The following USP39 variants were observed in gnomAD, a reference collection of about 807,000 sequenced individuals.
USP39 encodes ubiquitin carboxyl-terminal hydrolase 39.
In USP39, 38 loss-of-function variants were observed where a neutral mutation model predicts 66.4. The ratio of observed to expected loss-of-function variants is 0.57; its 90% CI spans 0.44 to 0.75. The LOEUF (loss-of-function observed/expected upper bound fraction) is 0.75, where lower values mean the gene tolerates loss of function less well. Among genes scored for constraint, USP39 ranks in the 30% least tolerant of loss-of-function variants. USP39 has a pLI of 0.00. For synonymous variants in USP39, 303 were observed against 274.6 expected (o/e 1.10, Z -1.02); for missense variants, 608 against 714.4 (o/e 0.85, Z 1.70).
At chr2:85,638,401 A>T (rs1395828860) in intron 8 of USP39, among the ~76,000 whole-genome samples, 1 of 151,512 alleles carries the variant, frequency 6.6e-6, no homozygotes, top group Non-Finnish European at 1.5e-5. Flanking sequence ...TGGCGTGATT[A>T]TGGTTCACTG....
chr2:85,615,819 G>A (rs1297051631), upstream of USP39, among the ~76,000 whole-genome samples: 1 of 152,052 alleles, frequency 6.6e-6, no homozygotes, highest in African/African-American at 2.4e-5. Flanking sequence ...TAGTAGAGAC[G>A]GGGTTTCTCC....
At position 85,627,448 on chromosome 2, in the gene USP39, G is replaced by T. The variant is rs192594795; in HGVS notation, c.723+1757G>T. ...GAAAACAATAATCCTACTTCACCAA[G>T]AAAATGATTAAAAAATCATAAACAC... On this transcript the variant is annotated intron_variant, in intron 5 of 12. Transcript: ENST00000323701. 5.0e-3 allele frequency among the ~76,000 whole-genome samples: 754 copies of T among 151,710 alleles called. 1 individual carries two copies. Among genetic ancestry groups the T allele is most frequent in the Non-Finnish European group, 8.9e-3 (602 of 67,926 alleles).
chr2:85,635,524 C>T (rs1196134058), intron 6 of USP39, among the ~76,000 whole-genome samples: 2 of 152,058 alleles, frequency 1.3e-5, no homozygotes, highest in African/African-American at 4.8e-5. Flanking sequence ...CATGCCACTG[C>T]ACTCCAGCCT....
At chr2:85,634,993 T>C (rs1257054387) in intron 6 of USP39, among the ~76,000 whole-genome samples, 1 of 152,218 alleles carries the variant, frequency 6.6e-6, no homozygotes, top group African/African-American at 2.4e-5. Context: ...AGGATAGTTA[T>C]GATGTCACAT....
chr2:85,611,876 A>C, upstream of USP39: 1 of 1,597,844 alleles, frequency 6.3e-7, no homozygotes, highest in Non-Finnish European at 8.5e-7. Flanking sequence ...GCGGGGCGGT[A>C]CCGAGCGATC....
chr2:85,621,515 G>C lies in USP39; in HGVS notation c.369G>C (p.Leu123=). The change falls in exon 3 of 13, where the codon CTG becomes CTC. Residue 123 remains leucine (L), a synonymous_variant. Coordinates refer to ENST00000323701, the MANE Select transcript of USP39 (RefSeq NM_006590.4). ...TGCTGGACTTTGACTTTGAGAAACT[G>C]TGTTCTATCTCCCTCTCACACATCA... The part of the protein sequence containing the change: ...RSVLDFDFEK[L]CSISLSHINA... 1.9e-6 allele frequency: 3 copies of C among 1,613,944 alleles called. No individual in the cohort carries two copies. The highest frequency in any genetic ancestry group is 2.5e-6 in the Non-Finnish European group (3 of 1,179,944).
intron 7 of USP39, 52 bp from the exon 8 acceptor site, chr2:85,637,317 A>G (rs924479912): frequency 3.8e-6 from 6 of 1,586,010 alleles, no homozygotes; most frequent in Non-Finnish European, 4.3e-6. Flanking sequence ...AATATACTTC[A>G]GACATGTTTT....
chr2:85,615,682 G>A (rs1025978018), upstream of USP39, among the ~76,000 whole-genome samples: 2 of 152,216 alleles, frequency 1.3e-5, no homozygotes, highest in Non-Finnish European at 2.9e-5. Context: ...CCAGGCTGGA[G>A]TGCAATGGCG....
chr2:85,638,781 C>A (rs533505968), intron 8 of USP39, among the ~76,000 whole-genome samples: 52 of 151,880 alleles, frequency 3.4e-4, no homozygotes, highest in African/African-American at 1.3e-3. Flanking sequence ...AGGTGATCTA[C>A]CTGCCTCGGC....
At chr2:85,609,296 AC>A, upstream of USP39, 1 of 1,331,182 alleles carries the variant, frequency 7.5e-7, no homozygotes, top group Non-Finnish European at 1.0e-6. Flanking sequence ...GCTCAAAAGC[AC>A]TGCCCGGCAG....
chr2:85,635,845 T>TG (rs1335217025), intron 6 of USP39, among the ~76,000 whole-genome samples: 6 of 152,112 alleles, frequency 3.9e-5, no homozygotes, highest in African/African-American at 1.4e-4. Flanking sequence ...AGAGAGCCTA[T>TG]GGAGAGAGTC....
At chr2:85,635,694 T>C (rs923424277) in intron 6 of USP39, among the ~76,000 whole-genome samples, 13 of 152,160 alleles carry the variant, frequency 8.5e-5, no homozygotes, top group Non-Finnish European at 4.4e-5. Flanking sequence ...CTAGTCACTT[T>C]CCTAAAAGAC....
chr2:85,625,390 A>T (rs1249312964), intron 4 of USP39, 149 bp from the exon 5 acceptor site: 4 of 949,232 alleles, frequency 4.2e-6, no homozygotes, highest in Non-Finnish European at 6.2e-6. Flanking sequence ...GTGTTACTTC[A>T]ATCTTTACAC....
At chr2:85,633,348 C>T (rs1190637849) in intron 6 of USP39, among the ~76,000 whole-genome samples, 1 of 152,174 alleles carries the variant, frequency 6.6e-6, no homozygotes, top group Admixed American at 6.5e-5. Flanking sequence ...GTATCGAACT[C>T]CTCACCTCAG....
chr2:85,641,923 A>AG (rs1676259052), intron 10 of USP39, among the ~76,000 whole-genome samples: 5 of 149,670 alleles, frequency 3.3e-5, no homozygotes, highest in African/African-American at 2.4e-5. Context: ...AAAAAAAAAA[A>AG]AAAAAAGAAA....
Position 85,637,370 on chromosome 2 carries a change from T to C in USP39, c.1029T>C (p.Thr343=), listed in dbSNP as rs781472071. 10 of 1,614,226 alleles carry C rather than the reference T, an allele frequency of 6.2e-6. No homozygotes were observed. The South Asian group carries it at 1.1e-4, about 18-fold the overall frequency. The change falls in exon 8 of 13, where the codon ACT becomes ACC. Residue 343 remains threonine (T), a splice_region_variant and synonymous_variant. Transcript: ENST00000323701. The part of the protein sequence containing the change: ...ALGGTKKKKK[T]IVTDVFQGSM... Reference sequence around the variant, plus strand: ...GTCTCTTGCTTCCTGTTTGTGCAGCTATTGTGACTGATGTTTTCCAGGGGT... The same window carrying C: ...GTCTCTTGCTTCCTGTTTGTGCAGCCATTGTGACTGATGTTTTCCAGGGGT...
chr2:85,615,990 C>T, upstream of USP39: 1 of 906,162 alleles, frequency 1.1e-6, no homozygotes, highest in Non-Finnish European at 1.3e-6. Context: ...AAACTGTAAA[C>T]GACAGTAGGC....
At chr2:85,640,853 G>A (rs1676181035) in intron 9 of USP39, 123 bp from the exon 10 acceptor site, 1 of 708,908 alleles carries the variant, frequency 1.4e-6, no homozygotes, top group Admixed American at 3.3e-5. Context: ...CGGACCAGGA[G>A]TCTTGTGAAC....
intron 3 of USP39, among the ~76,000 whole-genome samples, chr2:85,623,170 A>G (rs886429846): frequency 1.3e-5 from 2 of 152,196 alleles, no homozygotes; most frequent in Non-Finnish European, 2.9e-5. Context: ...AAAAAGTTAC[A>G]TAGATAAAGC....
Sources: allele counts gnomAD v4.1 joint callset (sites outside exome capture counted in the v4.1 genomes callset), GRCh38; gene constraint gnomAD v4.1.1; transcripts MANE v1.5; gene names NCBI Gene and HGNC (gene_info 2026-07-23, HGNC 2026-07-21).